Variants in SPATA31H1 observed in about 807,000 individuals in gnomAD.
SPATA31H1 encodes the protein spermatogenesis-associated protein 31H1.
chr2:27,555,342 T>A, the SPATA31H1 span, among the ~76,000 whole-genome samples: 1 of 151,948 alleles, frequency 6.6e-6, no homozygotes. Context: ...ATTTCTCTAT[T>A]TTGCCTTAAA....
the SPATA31H1 span, chr2:27,566,030 A>G: frequency 1.4e-6 from 1 of 717,398 alleles, no homozygotes; most frequent in African/African-American, 1.7e-5. Context: ...CAGATTCTTC[A>G]CCTCTTCTCC....
the SPATA31H1 span, among the ~76,000 whole-genome samples, chr2:27,556,725 T>TA: frequency 5.5e-5 from 8 of 146,404 alleles, no homozygotes; most frequent in Admixed American, 5.4e-4. Flanking sequence ...ATTTTTTTTT[T>TA]ATTGATCATT....
At chr2:27,582,665 G>A in the SPATA31H1 span, 2 of 814,142 alleles carry the variant, frequency 2.5e-6, no homozygotes, top group Admixed American at 2.8e-5. Flanking sequence ...TACCGGGGGG[G>A]AGGCGGGTGA....
chr2:27,575,623 A>G, the SPATA31H1 span: 1 of 398,388 alleles, frequency 2.5e-6, no homozygotes, highest in Admixed American at 4.4e-5. The surrounding 1 kb of genome is among the most constrained non-coding windows in gnomAD (Gnocchi z 4.1). Flanking sequence ...CATTTGCAAG[A>G]TGTGAATTCT....
chr2:27,563,382 CTTCTT>C, the SPATA31H1 span, among the ~76,000 whole-genome samples: 4 of 64,818 alleles, frequency 6.2e-5, no homozygotes, highest in East Asian at 1.5e-3. Context: ...TCCTCTTCTA[CTTCTT>C]TTTTTTTTTT....
At chr2:27,576,603 G>A in the SPATA31H1 span, 8 of 1,598,142 alleles carry the variant, frequency 5.0e-6, no homozygotes, top group African/African-American at 1.4e-5. Context: ...CCAACAGCAA[G>A]GTATAAATTA....
At chr2:27,579,712 A>G in the SPATA31H1 span, 1 of 1,614,040 alleles carries the variant, frequency 6.2e-7, no homozygotes, top group African/African-American at 1.3e-5. Context: ...GTTCCAATGG[A>G]AGAAAGTGAG....
the SPATA31H1 span, among the ~76,000 whole-genome samples, chr2:27,542,615 T>C: frequency 1.3e-5 from 2 of 151,916 alleles, no homozygotes; most frequent in East Asian, 3.9e-4. Context: ...AAGACAGATA[T>C]GGCTATAGTT....
chr2:27,572,887 A>T, the SPATA31H1 span: 2 of 397,538 alleles, frequency 5.0e-6, no homozygotes, highest in Non-Finnish European at 4.4e-6. Context: ...AAAGCTCCTG[A>T]GTTGTCCCAA....
chr2:27,572,690 A>G, the SPATA31H1 span: 13 of 398,112 alleles, frequency 3.3e-5, no homozygotes, highest in Non-Finnish European at 5.3e-5. Flanking sequence ...GGATACCAGG[A>G]CCTGAGTTCC....
the SPATA31H1 span, among the ~76,000 whole-genome samples, chr2:27,552,532 A>C: frequency 2.6e-5 from 4 of 151,960 alleles, no homozygotes; most frequent in Non-Finnish European, 4.4e-5. Context: ...GAGTCCTCCA[A>C]CTTTGTTCTT....
At chr2:27,540,672 C>G in the SPATA31H1 span, among the ~76,000 whole-genome samples, 2 of 137,180 alleles carry the variant, frequency 1.5e-5, no homozygotes, top group African/African-American at 2.8e-5. Flanking sequence ...ACTTCTCAGA[C>G]GGGGCGGCCG....
the SPATA31H1 span, chr2:27,565,994 AT>A: frequency 1.4e-6 from 1 of 715,778 alleles, no homozygotes; most frequent in Non-Finnish European, 2.6e-6. Context: ...CAAAATGATC[AT>A]GATCATCAAT....
chr2:27,565,429 C>A, the SPATA31H1 span: 1 of 716,792 alleles, frequency 1.4e-6, no homozygotes, highest in South Asian at 1.5e-5. Context: ...AATAACAGAC[C>A]AATTGTGGGT....
chr2:27,581,148 T>C, the SPATA31H1 span: 7 of 1,614,168 alleles, frequency 4.3e-6, no homozygotes, highest in African/African-American at 9.3e-5. Flanking sequence ...GAAGAGAACC[T>C]GGCACCGACA....
the SPATA31H1 span, chr2:27,570,645 T>G: frequency 4.5e-4 from 181 of 398,900 alleles, no homozygotes; most frequent in Non-Finnish European, 7.1e-4. Context: ...ATCTTTAGAG[T>G]TAAACTCAGG....
At chr2:27,537,596 A>G in the SPATA31H1 span, 2 of 715,166 alleles carry the variant, frequency 2.8e-6, no homozygotes, top group Non-Finnish European at 5.2e-6. Flanking sequence ...CTCCCTTGAA[A>G]CTAACTGGTC....
At chr2:27,572,174 G>A in the SPATA31H1 span, 3 of 398,362 alleles carry the variant, frequency 7.5e-6, no homozygotes, top group Non-Finnish European at 1.3e-5. Context: ...AAGCTAAAGA[G>A]TTCAAACATG....
At chr2:27,572,795 G>A in the SPATA31H1 span, 6 of 397,492 alleles carry the variant, frequency 1.5e-5, no homozygotes, top group Non-Finnish European at 2.7e-5. Flanking sequence ...GAGGTGTAAA[G>A]TCATCTCAAC....
Sources: gnomAD v4.1 joint callset for allele counts (sites outside exome capture counted in the v4.1 genomes callset) on GRCh38, gnomAD v4.1.1 for gene constraint, Gnocchi (gnomAD v3.1) non-coding constraint, MANE v1.5 for transcripts, NCBI Gene and HGNC (gene_info 2026-07-23, HGNC 2026-07-21) for gene names.